LRRC7: variants seen among roughly 807,000 people sequenced by gnomAD.
LRRC7 encodes leucine rich repeat containing 7, also known as leucine-rich repeat-containing protein 7.
A neutral mutation model predicts 175.7 loss-of-function variants in LRRC7; 23 were observed. The ratio of observed to expected loss-of-function variants is 0.13; its 90% CI spans 0.09 to 0.19. The LOEUF (loss-of-function observed/expected upper bound fraction) is 0.19. Among genes scored for constraint, LRRC7 ranks in the 10% least tolerant of loss-of-function variants. The probability of loss-of-function intolerance (pLI) is 1.00; values close to 1 mark genes in which losing one functional copy is unlikely to be tolerated. For synonymous variants in LRRC7, 685 were observed against 680.9 expected, an observed-to-expected ratio of 1.01 and a Z score of -0.09; for missense variants, 1,354 against 1,904.7, an observed-to-expected ratio of 0.71 and a Z score of 5.38.
intron 7 of LRRC7, among the ~76,000 whole-genome samples, chr1:69,857,665 C>G (rs1455906160): frequency 6.6e-6 from 1 of 152,078 alleles, no homozygotes; most frequent in South Asian, 2.1e-4. Context: ...GAATCAATAT[C>G]GTAAAAATGG....
chr1:69,975,770 C>G (rs1242854091), intron 8 of LRRC7, among the ~76,000 whole-genome samples: 1 of 152,166 alleles, frequency 6.6e-6, no homozygotes, highest in Non-Finnish European at 1.5e-5. Flanking sequence ...CAACTTACAC[C>G]CATACCATCC....
chr1:70,108,825 A>T (rs1665320195), intron 26 of LRRC7, among the ~76,000 whole-genome samples: 1 of 152,236 alleles, frequency 6.6e-6, no homozygotes. Flanking sequence ...AACACAGTTT[A>T]AAAATGCAAG....
chr1:69,751,587 A>G (rs1186810376), intron 2 of LRRC7, among the ~76,000 whole-genome samples: 2 of 152,174 alleles, frequency 1.3e-5, no homozygotes, highest in Non-Finnish European at 2.9e-5. Flanking sequence ...GAGGAGTAGG[A>G]GCTTAGTAAA....
At chr1:69,888,303 C>T (rs1438971097) in intron 7 of LRRC7, among the ~76,000 whole-genome samples, 4 of 152,100 alleles carry the variant, frequency 2.6e-5, no homozygotes, top group African/African-American at 4.8e-5. Flanking sequence ...GATCCAGGTG[C>T]GGGATATAAT....
intron 22 of LRRC7, among the ~76,000 whole-genome samples, chr1:70,045,648 AC>A (rs920164084): frequency 6.6e-6 from 1 of 152,160 alleles, no homozygotes; most frequent in African/African-American, 2.4e-5. Context: ...TAGAAATCAA[AC>A]CTTGTATTAG....
chr1:69,880,896 T>C (rs1686535485), intron 7 of LRRC7, among the ~76,000 whole-genome samples: 1 of 152,240 alleles, frequency 6.6e-6, no homozygotes, highest in Non-Finnish European at 1.5e-5. Context: ...TCAAAGCAAC[T>C]AGCAACAAAT....
intron 1 of LRRC7, among the ~76,000 whole-genome samples, chr1:69,654,064 C>T (rs1457694951): frequency 2.6e-5 from 4 of 151,590 alleles, no homozygotes; most frequent in Admixed American, 2.6e-4. Flanking sequence ...AATTAATAAT[C>T]CTGTAATGTA....
At chr1:69,623,595 G>C (rs1650995312) in intron 1 of LRRC7, among the ~76,000 whole-genome samples, 1 of 145,084 alleles carries the variant, frequency 6.9e-6, no homozygotes, top group South Asian at 2.2e-4. Flanking sequence ...TTGTTGCCCA[G>C]GCTGGAGTGC....
chr1:69,781,774 AAAGAAAGAAAGAAAGG>A (rs1207560640), intron 3 of LRRC7, among the ~76,000 whole-genome samples: 6 of 60,058 alleles, frequency 1.0e-4, no homozygotes, highest in East Asian at 5.5e-4. Context: ...AGAAAGAAAG[AAAGAAAGAAAGAAAGG>A]AAGGAAGGAA....
intron 1 of LRRC7, among the ~76,000 whole-genome samples, chr1:69,638,915 T>C (rs531911513): frequency 6.6e-6 from 1 of 151,882 alleles, no homozygotes; most frequent in Non-Finnish European, 1.5e-5. Context: ...CAGGTAGCCA[T>C]CTGCCCAATT....
intron 8 of LRRC7, among the ~76,000 whole-genome samples, chr1:69,933,182 G>C (rs1570713906): frequency 6.6e-6 from 1 of 152,172 alleles, no homozygotes. Context: ...GAGACACCAA[G>C]TAAAGCTGAA....
chr1:69,682,161 A>T (rs1206972287), intron 2 of LRRC7, among the ~76,000 whole-genome samples: 1 of 152,094 alleles, frequency 6.6e-6, no homozygotes, highest in Non-Finnish European at 1.5e-5. Flanking sequence ...TGCTGTATAG[A>T]CTTTCTAAAT....
At chr1:70,011,270 T>C (rs972093893) in intron 11 of LRRC7, among the ~76,000 whole-genome samples, 4 of 152,198 alleles carry the variant, frequency 2.6e-5, no homozygotes, top group Non-Finnish European at 5.9e-5. Flanking sequence ...AATTTTCTTA[T>C]CTGTAAAATG....
rs573411807 is a variant in LRRC7 at position 69,792,478 on chromosome 1, C to T, written c.421+318C>T. On this transcript the variant is annotated intron_variant, in intron 4 of 26. Coordinates refer to ENST00000651989, the MANE Select transcript of LRRC7 (RefSeq NM_001370785.2). Reference sequence around the variant, plus strand: ...TTCTCAGAGTAACATTTTTTCTCAACATGTGTCAAATATCACCTGCATAAC... The same window carrying T: ...TTCTCAGAGTAACATTTTTTCTCAATATGTGTCAAATATCACCTGCATAAC... 2.5e-4 allele frequency among the ~76,000 whole-genome samples: 38 copies of T among 152,112 alleles called. No homozygotes were observed. In the South Asian group the frequency reaches 7.9e-3, roughly 32 times the overall value.
At chr1:69,711,080 G>A (rs966392309) in intron 2 of LRRC7, among the ~76,000 whole-genome samples, 1 of 152,120 alleles carries the variant, frequency 6.6e-6, no homozygotes, top group Non-Finnish European at 1.5e-5. Context: ...ATTCTTACAG[G>A]CTGAGCAGCT....
At chr1:69,766,057 GA>G (rs1671587180) in intron 3 of LRRC7, among the ~76,000 whole-genome samples, 1 of 151,524 alleles carries the variant, frequency 6.6e-6, no homozygotes, top group African/African-American at 2.4e-5. Flanking sequence ...AATGTCCTTA[GA>G]AAGGAAAAAG....
intron 1 of LRRC7, among the ~76,000 whole-genome samples, chr1:69,623,633 C>CA (rs1412033965): frequency 6.6e-6 from 1 of 151,340 alleles, no homozygotes; most frequent in African/African-American, 2.4e-5. Context: ...TCACCGCAAC[C>CA]TCTGCCTCCT....
chr1:69,588,425 T>C (rs1245051), intron 1 of LRRC7, among the ~76,000 whole-genome samples: 23,018 of 152,106 alleles, frequency 0.15, 1,925 homozygotes, highest in Admixed American at 0.19. Flanking sequence ...CTTTATCAGG[T>C]ATAATGTGAG....
intron 7 of LRRC7, among the ~76,000 whole-genome samples, chr1:69,891,220 C>G (rs1209528609): frequency 6.6e-6 from 1 of 152,210 alleles, no homozygotes; most frequent in Non-Finnish European, 1.5e-5. Flanking sequence ...ACCCACAAAT[C>G]TTCCTTTCAC....
Sources: allele counts gnomAD v4.1 joint callset (sites outside exome capture counted in the v4.1 genomes callset), GRCh38; gene constraint gnomAD v4.1.1; transcripts MANE v1.5; gene names NCBI Gene and HGNC (gene_info 2026-07-23, HGNC 2026-07-21).